AFAP1L2: variants seen among roughly 807,000 people sequenced by gnomAD.
The protein encoded by AFAP1L2 is actin filament associated protein 1 like 2.
A neutral mutation model predicts 99.3 loss-of-function variants in AFAP1L2; 46 were observed. The ratio of observed to expected loss-of-function variants is 0.46; its 90% CI spans 0.37 to 0.59. The LOEUF is 0.59. AFAP1L2 is among the 20% of genes least tolerant of loss of function. The pLI, the probability that AFAP1L2 is intolerant of heterozygous loss-of-function variation, is 0.00. For synonymous variants in AFAP1L2, 397 were observed against 419.1 expected (o/e 0.95, Z 0.64); for missense variants, 959 against 1,034.9 (o/e 0.93, Z 1.01).
chr10:114,345,339 T>A (rs186179073), intron 1 of AFAP1L2, among the ~76,000 whole-genome samples: 263 of 152,284 alleles, frequency 1.7e-3, no homozygotes, highest in South Asian at 9.5e-3. Flanking sequence ...TGCCTTATTC[T>A]GCAGGGTCAT....
In AFAP1L2 at chr10:114,404,378, C is replaced by T. The variant is rs370666426; in HGVS notation, c.16+62G>A. 5,253 of 1,496,558 alleles carry T rather than the reference C, an allele frequency of 3.5e-3. 148 individuals carry two copies. In the East Asian group the frequency reaches 0.044, roughly 13 times the overall value. 92.7% of individuals were successfully genotyped at this position (1,496,558 alleles called of 1,614,324 possible). ...CCTGGCAAGACGAGTCCTAGCCCTG[C>T]CCTCCGCGTCGCTGGGCGAAAGGGA... On this transcript the variant is annotated intron_variant, in intron 1 of 18. Transcript: ENST00000304129.
At chr10:114,299,485 C>A in intron 15 of AFAP1L2, 70 bp from the exon 16 acceptor site, 1 of 1,585,490 alleles carries the variant, frequency 6.3e-7, no homozygotes, top group Non-Finnish European at 8.6e-7. Context: ...AGTCTACTCC[C>A]CAGGCTCGGA....
chr10:114,324,165 A>C (rs2045841134), intron 4 of AFAP1L2, among the ~76,000 whole-genome samples: 1 of 152,234 alleles, frequency 6.6e-6, no homozygotes, highest in Admixed American at 6.5e-5. Flanking sequence ...ATGGGGGAGA[A>C]AAAGAGGTAA....
chr10:114,312,865 G>C (rs1332601805), intron 7 of AFAP1L2, among the ~76,000 whole-genome samples: 2 of 152,178 alleles, frequency 1.3e-5, no homozygotes, highest in Non-Finnish European at 2.9e-5. Context: ...AGCTTGGTTA[G>C]GACAGGCCTG....
At chr10:114,335,043 C>T (rs1318079064) in intron 2 of AFAP1L2, among the ~76,000 whole-genome samples, 3 of 152,192 alleles carry the variant, frequency 2.0e-5, no homozygotes, top group African/African-American at 7.2e-5. Context: ...GGACATGACT[C>T]AAAGGCTCAA....
At chr10:114,304,985 AT>A (rs1379732076) in intron 10 of AFAP1L2, 55 bp from the exon 11 acceptor site, 46 of 657,372 alleles carry the variant, frequency 7.0e-5, no homozygotes, top group Non-Finnish European at 9.9e-5. Flanking sequence ...GGGGACGCAG[AT>A]GCAGGAGGGG....
intron 1 of AFAP1L2, among the ~76,000 whole-genome samples, chr10:114,345,745 T>C (rs1268705463): frequency 6.6e-6 from 1 of 152,240 alleles, no homozygotes; most frequent in Non-Finnish European, 1.5e-5. Context: ...ATCTGAGTCA[T>C]GGCCCCTGCC....
At chr10:114,323,112 C>G in intron 5 of AFAP1L2, 59 bp downstream of exon 5, 1 of 1,484,152 alleles carries the variant, frequency 6.7e-7, no homozygotes. Context: ...TAAGTCTGCA[C>G]CAACATCTGT....
intron 18 of AFAP1L2, chr10:114,296,380 G>C (rs953368459): frequency 7.5e-6 from 3 of 399,288 alleles, no homozygotes; most frequent in Non-Finnish European, 1.4e-5. Flanking sequence ...AGCAGGTAAG[G>C]AGGATAGGAA....
intron 3 of AFAP1L2, 46 bp from the exon 4 acceptor site, chr10:114,331,943 T>A (rs2047302638): frequency 7.5e-6 from 9 of 1,202,076 alleles, no homozygotes; most frequent in African/African-American, 3.2e-5. Context: ...GTGACCAGCC[T>A]TACACAGGGT....
At chr10:114,307,955 C>A in intron 9 of AFAP1L2, 46 bp from the exon 10 acceptor site, 1 of 1,560,742 alleles carries the variant, frequency 6.4e-7, no homozygotes, top group Non-Finnish European at 8.8e-7. Flanking sequence ...CGTGGTCCAC[C>A]CACGTGCCCA....
chr10:114,348,641 C>G (rs1311867344), intron 1 of AFAP1L2, among the ~76,000 whole-genome samples: 2 of 152,216 alleles, frequency 1.3e-5, no homozygotes, highest in East Asian at 3.8e-4. Flanking sequence ...CTTTACAGGA[C>G]GTGCTCTACT....
At position 114,295,920 on chromosome 10, in the gene AFAP1L2, T is replaced by C; in HGVS notation, c.*122A>G. 1 of 1,586,746 alleles carries C rather than the reference T, an allele frequency of 6.3e-7. No homozygotes were observed. Among genetic ancestry groups the C allele is most frequent in the Non-Finnish European group, 8.6e-7 (1 of 1,165,122 alleles). On this transcript the variant is annotated 3_prime_UTR_variant, in exon 19 of 19. Transcript: ENST00000304129. ...CTTAGCTGAAGCTCTCCATTCACAG[T>C]ACCTCAGTCTTTGCTTTTTCTTCTA...
intron 12 of AFAP1L2, 83 bp from the exon 13 acceptor site, chr10:114,301,548 A>G (rs927073111): frequency 9.6e-7 from 1 of 1,046,336 alleles, no homozygotes; most frequent in African/African-American, 1.6e-5. Flanking sequence ...CCCAGTGAGG[A>G]GTGGTTGCCG....
At position 114,324,407 on chromosome 10, in the gene AFAP1L2, C is replaced by T. The variant is rs1046714770; in HGVS notation, c.316-1146G>A. Among the ~76,000 whole-genome samples the T allele has an allele frequency of 4.0e-5, 6 of 148,842 alleles. 1 individual carries two copies. Among genetic ancestry groups the T allele is most frequent in the South Asian group, 2.2e-4 (1 of 4,610 alleles). On this transcript the variant is annotated intron_variant, in intron 4 of 18. Transcript: ENST00000304129. ...TACAGGGGTGCACCACCCCCCCCCC[C>T]CCCCCGGCTAATTTTTGTATTTTTA...
intron 5 of AFAP1L2, among the ~76,000 whole-genome samples, chr10:114,322,607 T>C (rs2045550731): frequency 6.6e-6 from 1 of 152,250 alleles, no homozygotes; most frequent in South Asian, 2.1e-4. Context: ...GCCCAGCTCC[T>C]GTTCTGTTTT....
In AFAP1L2 at chr10:114,315,667, C is replaced by T. The variant is rs755311509; in HGVS notation, c.505G>A (p.Gly169Ser). The T allele has an allele frequency of 9.9e-6, 16 of 1,613,738 alleles. No homozygotes were observed. The Admixed American group carries it at 1.0e-4, about 10-fold the overall frequency. The change falls in exon 6 of 19, where the codon GGC becomes AGC. Residue 169 changes from glycine to serine, a missense_variant. Transcript: ENST00000304129. ...CGGGCGTCACGCATCAGCTCGATGC[C>T]GGCCTCCGGCGAGGGCCACTGGTAA... ...APYQWPSPEA[G>S]IELMRDARIC...
Position 114,310,383 on chromosome 10 carries a change from G to GGGTGTACT in AFAP1L2, c.845_852dup (p.Pro285SerfsTer16). The GGGTGTACT allele has an allele frequency of 6.2e-7, 1 of 1,613,874 alleles. No homozygotes were observed. Among genetic ancestry groups the GGGTGTACT allele is most frequent in the Non-Finnish European group, 8.5e-7 (1 of 1,179,888 alleles). On this transcript the variant is annotated frameshift_variant, in exon 8 of 19. Coordinates refer to ENST00000304129, the MANE Select transcript of AFAP1L2 (RefSeq NM_001001936.3). LOFTEE classifies it high-confidence loss of function. ...TGGCAGTTAAAGCGCTGGGCATCCGGGGTGTACTGGTTTCCTTCAGATGCT... is the reference window on the plus strand; with the variant it reads ...TGGCAGTTAAAGCGCTGGGCATCCGGGGTGTACTGGTGTACTGGTTTCCTTCAGATGCT...
intron 1 of AFAP1L2, among the ~76,000 whole-genome samples, chr10:114,345,255 G>A (rs893485839): frequency 6.6e-6 from 1 of 152,066 alleles, no homozygotes; most frequent in African/African-American, 2.4e-5. Context: ...GGGAGAAGGT[G>A]GGCTCTAAGG....
Sources: gnomAD v4.1 joint callset for allele counts (sites outside exome capture counted in the v4.1 genomes callset) on GRCh38, gnomAD v4.1.1 for gene constraint, MANE v1.5 for transcripts, NCBI Gene and HGNC (gene_info 2026-07-23, HGNC 2026-07-21) for gene names.